The following LINGO2 variants were observed in gnomAD, a reference collection of about 807,000 sequenced individuals.
LINGO2 encodes the protein leucine rich repeat and Ig domain containing 2.
Under a neutral mutation model 30.6 loss-of-function variants are expected in LINGO2, and 14 were observed. That is an observed-to-expected ratio of 0.46 (90% CI 0.30 to 0.72). The LOEUF is 0.72. Among genes scored for constraint, LINGO2 ranks in the 30% least tolerant of loss-of-function variants. LINGO2 has a pLI of 0.07. For missense variants in LINGO2, 729 were observed against 751.7 expected (o/e 0.97, Z 0.35); for synonymous variants, 317 against 288.5 (o/e 1.10, Z -1.00).
At chr9:28,637,338 G>A (rs1462156844) in intron 1 of LINGO2, among the ~76,000 whole-genome samples, 1 of 152,096 alleles carries the variant, frequency 6.6e-6, no homozygotes, top group African/African-American at 2.4e-5. Context: ...CTTTAAAGTA[G>A]TTTTGCCAAT....
At chr9:28,941,628 G>C in the LINGO2 span, among the ~76,000 whole-genome samples, 1 of 152,042 alleles carries the variant, frequency 6.6e-6, no homozygotes, top group Admixed American at 6.6e-5. Flanking sequence ...TGCATTTAAT[G>C]CATATGTTTT....
At chr9:28,225,478 C>A (rs1044902713) in intron 4 of LINGO2, among the ~76,000 whole-genome samples, 2 of 152,048 alleles carry the variant, frequency 1.3e-5, no homozygotes, top group African/African-American at 2.4e-5. Context: ...TAAAAAAATT[C>A]TTCCTAAACA....
intron 2 of LINGO2, among the ~76,000 whole-genome samples, chr9:28,383,059 C>G (rs1171100807): frequency 1.3e-5 from 2 of 151,828 alleles, no homozygotes; most frequent in Non-Finnish European, 2.9e-5. Flanking sequence ...TGTGCTAAGC[C>G]CAATCCAGAG....
intron 4 of LINGO2, among the ~76,000 whole-genome samples, chr9:28,071,204 G>A (rs1825465180): frequency 6.6e-6 from 1 of 152,168 alleles, no homozygotes. Flanking sequence ...GTGCCTTGGG[G>A]TTGAGGTGGG....
At chr9:28,630,407 A>C (rs1371876332) in intron 1 of LINGO2, among the ~76,000 whole-genome samples, 2 of 152,004 alleles carry the variant, frequency 1.3e-5, no homozygotes, top group African/African-American at 4.8e-5. Flanking sequence ...TGACATAAAC[A>C]CTCAAGAAAT....
chr9:28,790,325 C>CTTTCTCTTTTTTTTTTTTTTTTTT, the LINGO2 span, among the ~76,000 whole-genome samples: 4 of 106,300 alleles, frequency 3.8e-5, no homozygotes, highest in African/African-American at 1.6e-4. Context: ...TCTTTTCTTT[C>CTTTCTCTTTTTTTTTTTTTTTTTT]TTTTTTTTTT....
At chr9:28,231,782 C>T (rs552738857) in intron 4 of LINGO2, among the ~76,000 whole-genome samples, 5 of 151,964 alleles carry the variant, frequency 3.3e-5, no homozygotes, top group African/African-American at 1.2e-4. Flanking sequence ...CAGATCAGAC[C>T]ATCAACACAC....
chr9:28,316,007 C>G, intron 3 of LINGO2, among the ~76,000 whole-genome samples: 1 of 152,120 alleles, frequency 6.6e-6, no homozygotes, highest in Non-Finnish European at 1.5e-5. Flanking sequence ...GGCCAAGTCT[C>G]TAAACCTTTC....
At chr9:28,370,742 AACC>A (rs1820862848) in intron 3 of LINGO2, among the ~76,000 whole-genome samples, 2 of 152,318 alleles carry the variant, frequency 1.3e-5, no homozygotes, top group South Asian at 4.1e-4. Flanking sequence ...CCTCCATACC[AACC>A]ACCACTGTGG....
intron 1 of LINGO2, among the ~76,000 whole-genome samples, chr9:28,568,886 T>A (rs1338789839): frequency 1.4e-5 from 2 of 146,944 alleles, no homozygotes. Context: ...ATTAGTAATA[T>A]AATAACAGAG....
At chr9:28,397,250 T>C (rs910875838) in intron 2 of LINGO2, among the ~76,000 whole-genome samples, 147 of 152,026 alleles carry the variant, frequency 9.7e-4, no homozygotes, top group African/African-American at 3.3e-3. Context: ...CTTCAATATC[T>C]TCTTGGGAGG....
At chr9:28,958,746 A>AG in the LINGO2 span, among the ~76,000 whole-genome samples, 3 of 151,926 alleles carry the variant, frequency 2.0e-5, no homozygotes, top group Non-Finnish European at 4.4e-5. Flanking sequence ...AAGGGAAGGG[A>AG]GGGGGGAGAG....
intron 1 of LINGO2, chr9:28,599,051 A>T (rs939703070): frequency 4.6e-5 from 7 of 152,200 alleles, no homozygotes; most frequent in Non-Finnish European, 7.4e-5. Context: ...AGCAACTGCA[A>T]AGCTAGCTTA....
chr9:28,862,552 AT>A, the LINGO2 span, among the ~76,000 whole-genome samples: 1 of 152,268 alleles, frequency 6.6e-6, no homozygotes, highest in South Asian at 2.1e-4. Flanking sequence ...CTTATAGAGC[AT>A]ATGCATAATC....
chr9:28,623,689 C>T (rs1484466909), intron 1 of LINGO2, among the ~76,000 whole-genome samples: 3 of 151,918 alleles, frequency 2.0e-5, no homozygotes, highest in East Asian at 1.9e-4. Flanking sequence ...GTCTTTTGTG[C>T]TTCCATATAA....
chr9:29,168,559 G>C, the LINGO2 span, among the ~76,000 whole-genome samples: 1 of 152,154 alleles, frequency 6.6e-6, no homozygotes, highest in Non-Finnish European at 1.5e-5. Context: ...ACTGATAAAG[G>C]AGAGAGCCTT....
At chr9:28,041,195 C>T (rs924266495) in intron 4 of LINGO2, among the ~76,000 whole-genome samples, 1 of 152,168 alleles carries the variant, frequency 6.6e-6, no homozygotes, top group Non-Finnish European at 1.5e-5. Flanking sequence ...GTCTATTGCA[C>T]CTCATAAACT....
chr9:28,673,798 A>G (rs1369025736), upstream of LINGO2, among the ~76,000 whole-genome samples: 3 of 152,108 alleles, frequency 2.0e-5, no homozygotes. Context: ...AAGACTGAGA[A>G]CAAAAACGTA....
intron 4 of LINGO2, among the ~76,000 whole-genome samples, chr9:28,232,471 C>A (rs934806780): frequency 6.7e-6 from 1 of 148,334 alleles, no homozygotes; most frequent in Middle Eastern, 3.5e-3. Flanking sequence ...TCTCCCAGAG[C>A]TTATTAAGGT....
Sources: gnomAD v4.1 joint callset for allele counts (sites outside exome capture counted in the v4.1 genomes callset) on GRCh38, gnomAD v4.1.1 for gene constraint, MANE v1.5 for transcripts, NCBI Gene and HGNC (gene_info 2026-07-23, HGNC 2026-07-21) for gene names.